The following RABGEF1 variants were observed in gnomAD, a reference collection of about 807,000 sequenced individuals.
RABGEF1 encodes the protein rab5 GDP/GTP exchange factor.
RABGEF1 carries 26 observed loss-of-function variants against 57.3 expected under a neutral mutation model. The observed-to-expected ratio is 0.45, with a 90% CI of 0.33 to 0.63. The LOEUF (loss-of-function observed/expected upper bound fraction) is 0.63. Ranked by LOEUF, RABGEF1 falls within the 20% of genes least tolerant of loss-of-function variation. RABGEF1 has a pLI of 0.02. For synonymous variants in RABGEF1, 185 were observed against 210.7 expected (o/e 0.88, Z 1.06); for missense variants, 464 against 607.6 (o/e 0.76, Z 2.48).
chr7:66,786,447 GGACT>G (rs1811211210), intron 4 of RABGEF1, among the ~76,000 whole-genome samples: 1 of 152,038 alleles, frequency 6.6e-6, no homozygotes, highest in South Asian at 2.1e-4. Flanking sequence ...TCTATCTCCT[GGACT>G]GGAGCACAAT....
At chr7:66,734,840 G>C (rs1320384468) in intron 2 of RABGEF1, among the ~76,000 whole-genome samples, 3 of 152,186 alleles carry the variant, frequency 2.0e-5, no homozygotes, top group Admixed American at 6.5e-5. Context: ...CTCCTGCTCG[G>C]TTGGTCACTC....
At chr7:66,750,646 CAT>C (rs1801201607) in intron 1 of RABGEF1, among the ~76,000 whole-genome samples, 1 of 152,166 alleles carries the variant, frequency 6.6e-6, no homozygotes, top group South Asian at 2.1e-4. Context: ...AATATACACA[CAT>C]ATAATGGTGC....
At chr7:66,795,250 G>A (rs1813745716) in intron 4 of RABGEF1, among the ~76,000 whole-genome samples, 1 of 152,056 alleles carries the variant, frequency 6.6e-6, no homozygotes, top group African/African-American at 2.4e-5. Context: ...CATTCAAACC[G>A]CCTGCGAGCC....
intron 1 of RABGEF1, among the ~76,000 whole-genome samples, chr7:66,709,332 T>G (rs1237297610): frequency 6.6e-6 from 1 of 152,134 alleles, no homozygotes; most frequent in Admixed American, 6.5e-5. Flanking sequence ...CTGTAATTGT[T>G]TTTTAAACTG....
chr7:66,770,969 T>TTTGTTG lies in RABGEF1; in HGVS notation c.-17-893_-17-888dup, dbSNP rs144702649. On this transcript the variant is annotated intron_variant, in intron 1 of 8. Coordinates refer to ENST00000284957, the MANE Select transcript of RABGEF1 (RefSeq NM_014504.3). The stretch of plus-strand genomic sequence containing the variant: ...CCATTTGTTAATCGGATTATTTGGG[T>TTTGTTG]TTGTTGTTGTTGTTGTTGTTGTTGT... 7.9e-5 allele frequency among the ~76,000 whole-genome samples: 12 copies of TTTGTTG among 151,682 alleles called. No homozygotes were observed. In the East Asian group the frequency reaches 1.9e-3, roughly 24 times the overall value.
chr7:66,781,777 A>G (rs1809966344), intron 3 of RABGEF1, among the ~76,000 whole-genome samples: 2 of 152,288 alleles, frequency 1.3e-5, no homozygotes, highest in East Asian at 1.9e-4. Context: ...TTCTGGTCAC[A>G]TTGGCCTCCG....
chr7:66,698,873 T>C (rs767479722), intron 1 of RABGEF1, among the ~76,000 whole-genome samples: 32 of 152,058 alleles, frequency 2.1e-4, no homozygotes, highest in Non-Finnish European at 4.0e-4. Flanking sequence ...ATCTGGAAAA[T>C]GGGGACAGGG....
At chr7:66,726,676 G>A (rs1335104181) in intron 2 of RABGEF1, among the ~76,000 whole-genome samples, 1 of 151,726 alleles carries the variant, frequency 6.6e-6, no homozygotes, top group African/African-American at 2.4e-5. Context: ...CCAAAAAGCA[G>A]AGGTTTTGTT....
At chr7:66,714,937 A>AAAAAC (rs574706747) in intron 2 of RABGEF1, among the ~76,000 whole-genome samples, 231 of 152,338 alleles carry the variant, frequency 1.5e-3, no homozygotes, top group African/African-American at 5.2e-3. Flanking sequence ...TCCGTCTCAA[A>AAAAAC]AAAACAAAAC....
chr7:66,781,444 G>A (rs1203840201), intron 3 of RABGEF1, among the ~76,000 whole-genome samples: 1 of 152,036 alleles, frequency 6.6e-6, no homozygotes, highest in East Asian at 1.9e-4. Flanking sequence ...TACGTGCCCT[G>A]GTGGTTTGCT....
intron 2 of RABGEF1, among the ~76,000 whole-genome samples, chr7:66,717,904 A>G (rs1795585764): frequency 6.6e-6 from 1 of 152,168 alleles, no homozygotes; most frequent in Non-Finnish European, 1.5e-5. Context: ...TCGGTCATGC[A>G]CATTCTGTTA....
chr7:66,719,618 A>G (rs117139105), intron 2 of RABGEF1, among the ~76,000 whole-genome samples: 2,024 of 152,312 alleles, frequency 0.013, 60 homozygotes, highest in East Asian at 0.094. Context: ...TTTAGAAAAC[A>G]TAGAAGACAA....
At chr7:66,672,151 G>A in the RABGEF1 span, among the ~76,000 whole-genome samples, 8 of 151,806 alleles carry the variant, frequency 5.3e-5, no homozygotes, top group African/African-American at 1.7e-4. Context: ...GGCCGGGCAC[G>A]GTGGCTCACG....
At chr7:66,766,357 A>G (rs1805709514) in intron 1 of RABGEF1, among the ~76,000 whole-genome samples, 1 of 151,236 alleles carries the variant, frequency 6.6e-6, no homozygotes, top group African/African-American at 2.4e-5. Context: ...GCCACTTACT[A>G]CCTTTTTGAT....
At chr7:66,782,493 G>C (rs535578525) in intron 3 of RABGEF1, among the ~76,000 whole-genome samples, 42 of 149,826 alleles carry the variant, frequency 2.8e-4, no homozygotes, top group Non-Finnish European at 5.2e-4. Context: ...AAGAGACAAG[G>C]TCTCATTCTT....
chr7:66,789,587 G>A (rs1304957104), intron 4 of RABGEF1, among the ~76,000 whole-genome samples: 1 of 148,988 alleles, frequency 6.7e-6, no homozygotes, highest in African/African-American at 2.5e-5. Flanking sequence ...GGAGGTTGAG[G>A]CAGGAGAATG....
chr7:66,789,404 C>T (rs1171155188), intron 4 of RABGEF1, among the ~76,000 whole-genome samples: 2 of 151,950 alleles, frequency 1.3e-5, no homozygotes, highest in African/African-American at 2.4e-5. Flanking sequence ...TATTTGAGGC[C>T]GGGTGCGGTG....
At chr7:66,669,365 C>G in the RABGEF1 span, 1 of 152,338 alleles carries the variant, frequency 6.6e-6, no homozygotes, top group Non-Finnish European at 1.5e-5. Context: ...CCAGAGGCTG[C>G]CAGGCGCCAA....
chr7:66,689,589 G>A (rs1210288952), intron 1 of RABGEF1, among the ~76,000 whole-genome samples: 3 of 152,116 alleles, frequency 2.0e-5, no homozygotes, highest in Admixed American at 2.0e-4. Flanking sequence ...GATCACCTGA[G>A]GTCAGGAGTT....
Sources: allele counts gnomAD v4.1 joint callset (sites outside exome capture counted in the v4.1 genomes callset), GRCh38; gene constraint gnomAD v4.1.1; transcripts MANE v1.5; gene names NCBI Gene and HGNC (gene_info 2026-07-23, HGNC 2026-07-21).